Variants in CCSER1 observed in about 807,000 individuals in gnomAD.
CCSER1 encodes the protein coiled-coil serine rich protein 1.
CCSER1 carries 41 observed loss-of-function variants against 82.0 expected under a neutral mutation model. That is an observed-to-expected ratio of 0.50 (90% CI 0.39 to 0.65). The LOEUF is 0.65. Among genes scored for constraint, CCSER1 ranks in the 30% least tolerant of loss-of-function variants. The probability of loss-of-function intolerance (pLI) is 0.00; values close to 1 mark genes in which losing one functional copy is unlikely to be tolerated. For synonymous variants in CCSER1, 414 were observed against 383.9 expected (o/e 1.08, Z -0.92); for missense variants, 1,119 against 1,064.2 (o/e 1.05, Z -0.72).
chr4:91,564,398 G>C (rs1025356042), intron 10 of CCSER1, among the ~76,000 whole-genome samples: 5 of 151,904 alleles, frequency 3.3e-5, no homozygotes, highest in African/African-American at 7.3e-5. Flanking sequence ...ATATTCCTCT[G>C]GGTATACACC....
chr4:90,316,085 G>T (rs1551795), intron 3 of CCSER1, among the ~76,000 whole-genome samples: 92,232 of 152,068 alleles, frequency 0.61, 28,918 homozygotes, highest in East Asian at 0.82. Flanking sequence ...AATGCTTGTT[G>T]GAACCAAGTG....
chr4:90,425,200 A>T (rs1009188353), intron 4 of CCSER1, among the ~76,000 whole-genome samples: 2 of 152,124 alleles, frequency 1.3e-5, no homozygotes, highest in Non-Finnish European at 2.9e-5. Flanking sequence ...AAAACTTTCT[A>T]TCATATAAAC....
intron 9 of CCSER1, among the ~76,000 whole-genome samples, chr4:91,005,406 C>T (rs1379070818): frequency 4.6e-5 from 7 of 152,068 alleles, no homozygotes; most frequent in Admixed American, 1.3e-4. Context: ...CACACACACA[C>T]ACACACACAC....
At chr4:91,540,381 G>A (rs1761524556) in intron 10 of CCSER1, among the ~76,000 whole-genome samples, 1 of 152,000 alleles carries the variant, frequency 6.6e-6, no homozygotes, top group African/African-American at 2.4e-5. Context: ...TCTGTGCTTT[G>A]TGTACTCTTT....
At chr4:90,915,335 TCC>T in intron 8 of CCSER1, among the ~76,000 whole-genome samples, 1 of 152,278 alleles carries the variant, frequency 6.6e-6, no homozygotes, top group South Asian at 2.1e-4. Context: ...GTAGGCTTCA[TCC>T]CTGGGATGTG....
intron 4 of CCSER1, among the ~76,000 whole-genome samples, chr4:90,425,866 T>C (rs917717577): frequency 3.3e-5 from 5 of 151,986 alleles, no homozygotes; most frequent in African/African-American, 7.3e-5. Context: ...GGCCCTAGGA[T>C]TCTAGTAACA....
intron 5 of CCSER1, among the ~76,000 whole-genome samples, chr4:90,512,651 A>G (rs1771700640): frequency 6.6e-6 from 1 of 152,172 alleles, no homozygotes; most frequent in South Asian, 2.1e-4. Flanking sequence ...ATATGTTTGT[A>G]TCTTACACTG....
chr4:91,586,850 C>A lies in CCSER1; in HGVS notation c.2218-11722C>A, dbSNP rs145864242. On this transcript the variant is annotated intron_variant, in intron 10 of 10. Transcript: ENST00000509176. ...ATTTTTATTTATAGTAGTCTAGTTC[C>A]TTAAGTAAAAGTAAGTTCTTGGGGG... is the stretch of plus-strand genomic sequence containing the variant. 2.7e-3 allele frequency among the ~76,000 whole-genome samples: 410 copies of A among 151,556 alleles called. 1 individual carries two copies. The highest frequency in any genetic ancestry group is 9.4e-3 in the African/African-American group (391 of 41,390).
chr4:91,536,579 G>A (rs975375805), intron 10 of CCSER1, among the ~76,000 whole-genome samples: 1 of 152,016 alleles, frequency 6.6e-6, no homozygotes, highest in Non-Finnish European at 1.5e-5. Flanking sequence ...AGATTTAAAG[G>A]ATCAAGGAGA....
At chr4:90,950,393 G>C (rs976602313) in intron 9 of CCSER1, among the ~76,000 whole-genome samples, 1 of 151,884 alleles carries the variant, frequency 6.6e-6, no homozygotes, top group African/African-American at 2.4e-5. Flanking sequence ...TACTGAGTAC[G>C]TCTGCTGTTG....
intron 1 of CCSER1, among the ~76,000 whole-genome samples, chr4:90,153,914 G>A (rs978326698): frequency 5.3e-5 from 8 of 152,102 alleles, no homozygotes; most frequent in Admixed American, 1.3e-4. Context: ...GGCTTTTGTT[G>A]CCATTGCTTT....
At chr4:91,184,108 G>T (rs1734301354) in intron 10 of CCSER1, among the ~76,000 whole-genome samples, 1 of 152,182 alleles carries the variant, frequency 6.6e-6, no homozygotes, top group South Asian at 2.1e-4. Context: ...AATTTTGCAA[G>T]TGATCATAAC....
intron 10 of CCSER1, among the ~76,000 whole-genome samples, chr4:91,594,329 G>A (rs1325557731): frequency 6.9e-6 from 1 of 145,610 alleles, no homozygotes; most frequent in Non-Finnish European, 1.5e-5. Flanking sequence ...ATACATATAT[G>A]TACACACATA....
chr4:91,194,582 T>C (rs987445243), intron 10 of CCSER1, among the ~76,000 whole-genome samples: 3 of 152,130 alleles, frequency 2.0e-5, no homozygotes, highest in Admixed American at 2.0e-4. Flanking sequence ...TGCTCCACAG[T>C]CAATCATGTC....
At chr4:91,290,301 A>G (rs1743647322) in intron 10 of CCSER1, among the ~76,000 whole-genome samples, 1 of 151,990 alleles carries the variant, frequency 6.6e-6, no homozygotes, top group Non-Finnish European at 1.5e-5. Context: ...TATCTGTGCT[A>G]TATTTATATA....
At chr4:90,239,041 G>A (rs1262806760) in intron 1 of CCSER1, among the ~76,000 whole-genome samples, 1 of 152,084 alleles carries the variant, frequency 6.6e-6, no homozygotes, top group Non-Finnish European at 1.5e-5. Flanking sequence ...AGTAGAGACG[G>A]GGTTTTACCA....
chr4:90,165,804 T>C (rs2153370286), intron 1 of CCSER1, among the ~76,000 whole-genome samples: 1 of 151,908 alleles, frequency 6.6e-6, no homozygotes, highest in East Asian at 1.9e-4. Flanking sequence ...AATTTTGCAG[T>C]GAAGTATGAG....
At chr4:90,634,893 C>T (rs1317070558) in intron 6 of CCSER1, among the ~76,000 whole-genome samples, 1 of 151,736 alleles carries the variant, frequency 6.6e-6, no homozygotes, top group African/African-American at 2.4e-5. Flanking sequence ...AAACAAGTTT[C>T]ATGAAAACAT....
intron 8 of CCSER1, among the ~76,000 whole-genome samples, chr4:90,848,313 T>C (rs2149911960): frequency 6.6e-6 from 1 of 152,292 alleles, no homozygotes; most frequent in East Asian, 1.9e-4. Flanking sequence ...TTAAGTGATA[T>C]TTATAGAAAT....
Sources: allele counts gnomAD v4.1 joint callset (sites outside exome capture counted in the v4.1 genomes callset), GRCh38; gene constraint gnomAD v4.1.1; transcripts MANE v1.5; gene names NCBI Gene and HGNC (gene_info 2026-07-23, HGNC 2026-07-21).